The following SHISA6 variants were observed in gnomAD, a reference collection of about 807,000 sequenced individuals.
The protein encoded by SHISA6 is protein shisa-6.
A neutral mutation model predicts 47.9 loss-of-function variants in SHISA6; 22 were observed. That is an observed-to-expected ratio of 0.46 (90% CI 0.33 to 0.66). The LOEUF (loss-of-function observed/expected upper bound fraction) is 0.66. Among genes scored for constraint, SHISA6 ranks in the 30% least tolerant of loss-of-function variants. The pLI, the probability that SHISA6 is intolerant of heterozygous loss-of-function variation, is 0.02. For missense variants in SHISA6, 680 were observed against 764.6 expected, an observed-to-expected ratio of 0.89 and a Z score of 1.30; for synonymous variants, 388 against 337.8, an observed-to-expected ratio of 1.15 and a Z score of -1.63.
At chr17:11,349,527 G>T (rs1162444834) in intron 2 of SHISA6, among the ~76,000 whole-genome samples, 1 of 152,154 alleles carries the variant, frequency 6.6e-6, no homozygotes, top group African/African-American at 2.4e-5. Flanking sequence ...GGATTTTATG[G>T]GTCAACACTT....
Position 11,405,928 on chromosome 17 carries a change from C to T in SHISA6, c.895+26419C>T, listed in dbSNP as rs931072743. 2.6e-5 allele frequency among the ~76,000 whole-genome samples: 4 copies of T among 152,162 alleles called. 1 individual carries two copies. Among genetic ancestry groups the T allele is most frequent in the Admixed American group, 2.6e-4 (4 of 15,290 alleles). On this transcript the variant is annotated intron_variant, in intron 3 of 5. Transcript: ENST00000441885. ...CAACCACAGGCCTGCTACCTTCTCT[C>T]CAAAATCTGTTTTCCAGGCAGCTGC... is the stretch of plus-strand genomic sequence containing the variant.
intron 3 of SHISA6, among the ~76,000 whole-genome samples, chr17:11,462,024 T>C (rs1327229400): frequency 6.6e-6 from 1 of 151,876 alleles, no homozygotes; most frequent in African/African-American, 2.4e-5. Context: ...ACAATTGGAT[T>C]TAGTAAGCCT....
chr17:11,374,213 C>G (rs1231985445), intron 2 of SHISA6, among the ~76,000 whole-genome samples: 1 of 152,042 alleles, frequency 6.6e-6, no homozygotes, highest in East Asian at 1.9e-4. Flanking sequence ...CTATGCATTT[C>G]TTTTCCCTAT....
At chr17:11,453,970 T>C (rs1273114680) in intron 3 of SHISA6, among the ~76,000 whole-genome samples, 1 of 152,220 alleles carries the variant, frequency 6.6e-6, no homozygotes, top group Non-Finnish European at 1.5e-5. Context: ...TTTGTTTGGA[T>C]GTAAATTTTC....
At chr17:11,364,105 G>T (rs771507430) in intron 2 of SHISA6, among the ~76,000 whole-genome samples, 1 of 152,120 alleles carries the variant, frequency 6.6e-6, no homozygotes, top group African/African-American at 2.4e-5. Flanking sequence ...TGCCTGCCCT[G>T]CAACAGGTAA....
At chr17:11,511,714 T>C (rs2071542965) in intron 3 of SHISA6, among the ~76,000 whole-genome samples, 1 of 152,216 alleles carries the variant, frequency 6.6e-6, no homozygotes, top group Admixed American at 6.5e-5. Context: ...TCTGCATCAC[T>C]CCCTTATTGA....
intron 4 of SHISA6, among the ~76,000 whole-genome samples, chr17:11,555,133 A>T (rs2071964956): frequency 6.6e-6 from 1 of 152,134 alleles, no homozygotes; most frequent in African/African-American, 2.4e-5. Context: ...GAAAGGAATT[A>T]GAGTAAGATA....
chr17:11,558,309 C>T lies in SHISA6; in HGVS notation c.*5C>T, dbSNP rs1384141319. ...AAGACCGAAGTGACCGTGTGACCGGCGGGGCAGGGCCGGGGCTGCTGGGCG... is the reference window on the plus strand; with the variant it reads ...AAGACCGAAGTGACCGTGTGACCGGTGGGGCAGGGCCGGGGCTGCTGGGCG... On this transcript the variant is annotated 3_prime_UTR_variant, in exon 6 of 6. Coordinates refer to ENST00000441885, the MANE Select transcript of SHISA6 (RefSeq NM_207386.4). 5.2e-6 allele frequency: 8 copies of T among 1,536,126 alleles called. No homozygotes were observed. Among genetic ancestry groups the T allele is most frequent in the South Asian group, 2.4e-5 (2 of 83,840 alleles).
chr17:11,524,964 G>GGGA (rs1439520228), intron 3 of SHISA6, among the ~76,000 whole-genome samples: 1 of 152,164 alleles, frequency 6.6e-6, no homozygotes, highest in African/African-American at 2.4e-5. Flanking sequence ...GAGATGACGG[G>GGGA]GGGGTAGATG....
intron 2 of SHISA6, among the ~76,000 whole-genome samples, chr17:11,376,160 G>A (rs1157179235): frequency 6.6e-6 from 1 of 152,098 alleles, no homozygotes; most frequent in African/African-American, 2.4e-5. Flanking sequence ...ACAAGGAAGG[G>A]GGTGGTTCTT....
At chr17:11,545,333 A>C (rs2071874641) in intron 3 of SHISA6, among the ~76,000 whole-genome samples, 1 of 152,172 alleles carries the variant, frequency 6.6e-6, no homozygotes, top group Admixed American at 6.5e-5. Flanking sequence ...AACATTCACG[A>C]AATAGCAAAA....
chr17:11,247,026 C>G (rs1052423535), intron 1 of SHISA6, among the ~76,000 whole-genome samples: 1 of 152,196 alleles, frequency 6.6e-6, no homozygotes, highest in African/African-American at 2.4e-5. Context: ...GGAGCACATT[C>G]ATTTCTGGGA....
At chr17:11,468,184 C>T (rs1359944977) in intron 3 of SHISA6, among the ~76,000 whole-genome samples, 1 of 151,794 alleles carries the variant, frequency 6.6e-6, no homozygotes, top group Non-Finnish European at 1.5e-5. Flanking sequence ...CCCCCCAGGC[C>T]AACTTTCTCC....
chr17:11,307,880 C>G lies in SHISA6; in HGVS notation c.799+44354C>G, dbSNP rs192899575. Among the ~76,000 whole-genome samples the G allele has an allele frequency of 2.2e-4, 33 of 152,198 alleles. 1 individual carries two copies. The East Asian group carries it at 5.6e-3, about 26-fold the overall frequency. ...AGGACCCTTAGAAATGCCAGCCCAGCCTTTCATTTTACAGATGAGAATGTT... is the reference window on the plus strand; with the variant it reads ...AGGACCCTTAGAAATGCCAGCCCAGGCTTTCATTTTACAGATGAGAATGTT... On this transcript the variant is annotated intron_variant, in intron 2 of 5. Coordinates refer to ENST00000441885, the MANE Select transcript of SHISA6 (RefSeq NM_207386.4).
At chr17:11,517,615 G>A (rs973216884) in intron 3 of SHISA6, among the ~76,000 whole-genome samples, 1 of 152,102 alleles carries the variant, frequency 6.6e-6, no homozygotes, top group African/African-American at 2.4e-5. Flanking sequence ...CTATCCTCCT[G>A]CCTCAGCCTC....
At chr17:11,461,509 A>G (rs1422199127) in intron 3 of SHISA6, among the ~76,000 whole-genome samples, 1 of 152,164 alleles carries the variant, frequency 6.6e-6, no homozygotes, top group Non-Finnish European at 1.5e-5. Flanking sequence ...ACAGATGCCT[A>G]TAAACAAGGG....
chr17:11,547,042 T>C (rs1234036040), intron 3 of SHISA6, among the ~76,000 whole-genome samples: 1 of 152,184 alleles, frequency 6.6e-6, no homozygotes, highest in Non-Finnish European at 1.5e-5. Flanking sequence ...ATAATGTAGC[T>C]GTGAAATATA....
At chr17:11,506,738 T>C (rs778874721) in intron 3 of SHISA6, among the ~76,000 whole-genome samples, 1 of 152,220 alleles carries the variant, frequency 6.6e-6, no homozygotes, top group Non-Finnish European at 1.5e-5. Context: ...GTAACTGCTG[T>C]GAGCTTTTTA....
chr17:11,297,169 G>T (rs1184618932), intron 2 of SHISA6, among the ~76,000 whole-genome samples: 1 of 152,148 alleles, frequency 6.6e-6, no homozygotes, highest in Non-Finnish European at 1.5e-5. Flanking sequence ...GAAGACACCA[G>T]ATCATGCGTG....
Sources: gnomAD v4.1 joint callset for allele counts (sites outside exome capture counted in the v4.1 genomes callset) on GRCh38, gnomAD v4.1.1 for gene constraint, MANE v1.5 for transcripts, NCBI Gene and HGNC (gene_info 2026-07-23, HGNC 2026-07-21) for gene names.